Variants in CNTNAP2 observed in about 807,000 individuals in gnomAD.
CNTNAP2 encodes the protein contactin-associated protein-like 2.
Under a neutral mutation model 155.2 loss-of-function variants are expected in CNTNAP2, and 98 were observed. The ratio of observed to expected loss-of-function variants is 0.63; its 90% CI spans 0.54 to 0.75. The LOEUF is 0.75. Ranked by LOEUF, CNTNAP2 falls within the 30% of genes least tolerant of loss-of-function variation. The pLI is 0.00. For synonymous variants in CNTNAP2, 651 were observed against 631.2 expected, an observed-to-expected ratio of 1.03 and a Z score of -0.47; for missense variants, 1,727 against 1,688.1, an observed-to-expected ratio of 1.02 and a Z score of -0.40.
intron 4 of CNTNAP2, among the ~76,000 whole-genome samples, chr7:147,106,772 A>T (rs932872831): frequency 6.6e-6 from 1 of 152,162 alleles, no homozygotes; most frequent in African/African-American, 2.4e-5. Flanking sequence ...AACTCAACAC[A>T]AAAAAGGAGT....
At chr7:147,683,823 C>T (rs1189164010) in intron 13 of CNTNAP2, among the ~76,000 whole-genome samples, 2 of 148,932 alleles carry the variant, frequency 1.3e-5, no homozygotes, top group African/African-American at 4.9e-5. Flanking sequence ...GAAAATTCCT[C>T]TTCTTTTTTT....
intron 3 of CNTNAP2, among the ~76,000 whole-genome samples, chr7:146,934,236 A>G (rs1448473411): frequency 3.9e-5 from 6 of 152,184 alleles, no homozygotes; most frequent in Non-Finnish European, 5.9e-5. Context: ...TGTGGCACAT[A>G]TACACCATGG....
Position 146,969,589 on chromosome 7 carries a change from T to C in CNTNAP2, c.403-74318T>C, listed in dbSNP as rs545567776. 9.5e-4 allele frequency among the ~76,000 whole-genome samples: 144 copies of C among 152,182 alleles called. 2 individuals carry two copies. The South Asian group carries it at 0.021, about 22-fold the overall frequency. ...AATGGCCTTCTTTGTCTCTTTTGAT[T>C]TTTGTTGGTTTAAAGTCTGTTTTAT... On this transcript the variant is annotated intron_variant, in intron 3 of 23. Transcript: ENST00000361727.
chr7:146,532,896 A>G (rs1452869553), intron 1 of CNTNAP2, among the ~76,000 whole-genome samples: 2 of 151,138 alleles, frequency 1.3e-5, no homozygotes, highest in Non-Finnish European at 2.9e-5. Flanking sequence ...CAGCCTGACC[A>G]ATGTGCTGAA....
chr7:146,851,010 A>T (rs1794867948), intron 3 of CNTNAP2, among the ~76,000 whole-genome samples: 1 of 152,042 alleles, frequency 6.6e-6, no homozygotes, highest in South Asian at 2.1e-4. Flanking sequence ...TTTGAAACAG[A>T]GTCTCGCTCT....
rs149157360 is a variant in CNTNAP2 at position 146,157,592 on chromosome 7, G to A, written c.97+40619G>A. ...ATGGCACACCAGGACATTATATCCC[G>A]TGCATGGCTTGGAGGGTCCCATGCC... On this transcript the variant is annotated intron_variant, in intron 1 of 23. Coordinates refer to ENST00000361727, the MANE Select transcript of CNTNAP2 (RefSeq NM_014141.6). 6.0e-3 allele frequency among the ~76,000 whole-genome samples: 909 copies of A among 152,214 alleles called. 13 individuals are homozygous for A. The highest frequency in any genetic ancestry group is 0.02 in the African/African-American group (822 of 41,544).
At chr7:146,210,489 A>G (rs909466701) in intron 1 of CNTNAP2, among the ~76,000 whole-genome samples, 3 of 152,128 alleles carry the variant, frequency 2.0e-5, no homozygotes, top group African/African-American at 7.2e-5. Context: ...TTTTTAGTAG[A>G]TACGGGGTTT....
intron 1 of CNTNAP2, among the ~76,000 whole-genome samples, chr7:146,352,960 T>C (rs190155429): frequency 6.6e-6 from 1 of 151,744 alleles, no homozygotes; most frequent in African/African-American, 2.4e-5. Context: ...TTCACCCTGT[T>C]AGCCAGGATG....
chr7:146,327,986 T>C (rs577738095), intron 1 of CNTNAP2, among the ~76,000 whole-genome samples: 1 of 152,302 alleles, frequency 6.6e-6, no homozygotes, highest in South Asian at 2.1e-4. Flanking sequence ...GAAGTGTTTT[T>C]CTCAGTTTAA....
intron 1 of CNTNAP2, among the ~76,000 whole-genome samples, chr7:146,397,976 C>A (rs551035620): frequency 6.6e-6 from 1 of 150,728 alleles, no homozygotes; most frequent in Non-Finnish European, 1.5e-5. Flanking sequence ...TGGGCTCAAG[C>A]GATTCTCCCA....
At chr7:146,151,684 A>ATATATATATATATG (rs1562969078) in intron 1 of CNTNAP2, among the ~76,000 whole-genome samples, 3 of 52,008 alleles carry the variant, frequency 5.8e-5, no homozygotes, top group East Asian at 3.8e-4. Flanking sequence ...ATATATATGT[A>ATATATATATATATG]TATATATATA....
intron 7 of CNTNAP2, among the ~76,000 whole-genome samples, chr7:147,130,423 G>A (rs1382398058): frequency 6.6e-6 from 1 of 152,074 alleles, no homozygotes; most frequent in South Asian, 2.1e-4. Flanking sequence ...CTGCATTCCA[G>A]CCTGGGCAAC....
At chr7:147,591,517 G>A (rs922852271) in intron 12 of CNTNAP2, among the ~76,000 whole-genome samples, 42 of 152,090 alleles carry the variant, frequency 2.8e-4, no homozygotes, top group African/African-American at 8.5e-4. Context: ...TAAATTTTGA[G>A]AGGACACAAT....
At chr7:148,042,974 G>A (rs1235443870) in intron 15 of CNTNAP2, among the ~76,000 whole-genome samples, 1 of 152,204 alleles carries the variant, frequency 6.6e-6, no homozygotes, top group Non-Finnish European at 1.5e-5. Flanking sequence ...CAAATGTTCT[G>A]TAAAGTCCCA....
At chr7:148,345,237 C>G (rs1798303665) in intron 21 of CNTNAP2, among the ~76,000 whole-genome samples, 1 of 152,154 alleles carries the variant, frequency 6.6e-6, no homozygotes, top group Non-Finnish European at 1.5e-5. Context: ...CCTCTGGGTC[C>G]TGGGGGGCAG....
chr7:147,689,448 C>G, intron 13 of CNTNAP2, among the ~76,000 whole-genome samples: 1 of 152,082 alleles, frequency 6.6e-6, no homozygotes, highest in East Asian at 1.9e-4. Context: ...TATGCCCGGT[C>G]TCATAATTAC....
intron 1 of CNTNAP2, among the ~76,000 whole-genome samples, chr7:146,259,903 C>A (rs1799895126): frequency 6.6e-6 from 1 of 152,196 alleles, no homozygotes; most frequent in Non-Finnish European, 1.5e-5. Context: ...TGTCTCCAGG[C>A]CACATCAGAG....
chr7:146,437,457 G>A (rs968246905), intron 1 of CNTNAP2, among the ~76,000 whole-genome samples: 3 of 151,416 alleles, frequency 2.0e-5, no homozygotes, highest in Middle Eastern at 3.4e-3. Flanking sequence ...AGTGAAATGC[G>A]TACCATGTTT....
At chr7:147,362,335 C>T (rs1161892290) in intron 9 of CNTNAP2, among the ~76,000 whole-genome samples, 3 of 152,160 alleles carry the variant, frequency 2.0e-5, no homozygotes, top group African/African-American at 7.2e-5. Flanking sequence ...AGATCTCACT[C>T]TGTTGCCCAG....
Sources: gnomAD v4.1 joint callset for allele counts (sites outside exome capture counted in the v4.1 genomes callset) on GRCh38, gnomAD v4.1.1 for gene constraint, MANE v1.5 for transcripts, NCBI Gene and HGNC (gene_info 2026-07-23, HGNC 2026-07-21) for gene names.